NEK9: variants seen among roughly 807,000 people sequenced by gnomAD.
NEK9 encodes serine/threonine-protein kinase Nek9.
A neutral mutation model predicts 123.4 loss-of-function variants in NEK9; 75 were observed. The ratio of observed to expected loss-of-function variants is 0.61; its 90% CI spans 0.50 to 0.74. The LOEUF (loss-of-function observed/expected upper bound fraction) is 0.74. NEK9 is among the 30% of genes least tolerant of loss of function. The pLI is 0.00. For synonymous variants in NEK9, 438 were observed against 458.7 expected (o/e 0.95, Z 0.58); for missense variants, 952 against 1,214.4 (o/e 0.78, Z 3.21).
chr14:75,109,054 T>C (rs1385585103), intron 10 of NEK9, among the ~76,000 whole-genome samples: 1 of 152,134 alleles, frequency 6.6e-6, no homozygotes. Flanking sequence ...AGCATCTGTT[T>C]TATTTTAGCA....
At position 75,104,367 on chromosome 14, in the gene NEK9, C is replaced by T. The variant is rs555589955; in HGVS notation, c.1576-370G>A. Among the ~76,000 whole-genome samples, 12 of 152,096 alleles carry T rather than the reference C, an allele frequency of 7.9e-5. No homozygotes were observed. The East Asian group carries it at 2.1e-3, about 27-fold the overall frequency. On this transcript the variant is annotated intron_variant, in intron 13 of 21. Coordinates refer to ENST00000238616, the MANE Select transcript of NEK9 (RefSeq NM_033116.6). ...TTTTATTAGAGATGAGGTTTTGCCACGTAGGCCAGGCTGGTCTCGAACTCC... is the reference window on the plus strand; with the variant it reads ...TTTTATTAGAGATGAGGTTTTGCCATGTAGGCCAGGCTGGTCTCGAACTCC...
At chr14:75,116,496 TTC>T in intron 6 of NEK9, 1 of 361,836 alleles carries the variant, frequency 2.8e-6, no homozygotes, top group Non-Finnish European at 5.7e-6. Context: ...TTTTACACGT[TTC>T]TAGGAAAGTG....
intron 18 of NEK9, among the ~76,000 whole-genome samples, chr14:75,094,379 C>A (rs928043060): frequency 6.6e-6 from 1 of 152,242 alleles, no homozygotes. Context: ...TAACCTTGAA[C>A]TCCTGGCCTC....
At chr14:75,100,349 G>T (rs1416716773) in intron 16 of NEK9, among the ~76,000 whole-genome samples, 1 of 152,054 alleles carries the variant, frequency 6.6e-6, no homozygotes, top group African/African-American at 2.4e-5. Flanking sequence ...GGGAGGCTGA[G>T]GCAGGAGAAT....
intron 2 of NEK9, 84 bp downstream of exon 2, chr14:75,123,962 T>C (rs1405570551): frequency 1.7e-6 from 2 of 1,183,636 alleles, no homozygotes; most frequent in Non-Finnish European, 2.4e-6. Flanking sequence ...TCACTGTATA[T>C]GTCTCTTCTT....
Position 75,088,642 on chromosome 14 carries a change from CTATG to C in NEK9, c.2443-5_2443-2del, listed in dbSNP as rs2139716487. 1 of 1,612,674 alleles carries C rather than the reference CTATG, an allele frequency of 6.2e-7. No individual in the cohort carries two copies. Among genetic ancestry groups the C allele is most frequent in the East Asian group, 2.2e-5 (1 of 44,856 alleles). On this transcript the variant is annotated splice_acceptor_variant and splice_polypyrimidine_tract_variant and intron_variant, in intron 19 of 21. Coordinates refer to ENST00000238616, the MANE Select transcript of NEK9 (RefSeq NM_033116.6). LOFTEE classifies it high-confidence loss of function. ...GGATAAATTCTGCATTTTCCAGCTC[CTATG>C]TATATGAGAAAGAATCTCATTAGTC...
In NEK9 at chr14:75,091,489, T is replaced by C. The variant is rs754567203; in HGVS notation, c.2234-11A>G. 6.4e-6 allele frequency: 10 copies of C among 1,560,938 alleles called. No homozygotes were observed. The highest frequency in any genetic ancestry group is 2.7e-5 in the African/African-American group (2 of 73,372). On this transcript the variant is annotated splice_polypyrimidine_tract_variant and intron_variant, in intron 18 of 21. Coordinates refer to ENST00000238616, the MANE Select transcript of NEK9 (RefSeq NM_033116.6). ...TAGAGCTCTGAAACACTGACAGATATACAGCACAGAAATAGACAGCTTTGC... is the reference window on the plus strand; with the variant it reads ...TAGAGCTCTGAAACACTGACAGATACACAGCACAGAAATAGACAGCTTTGC...
chr14:75,095,576 A>C lies in NEK9; in HGVS notation c.2174-145T>G, dbSNP rs1283515248. On this transcript the variant is annotated intron_variant, in intron 17 of 21. Transcript: ENST00000238616. ...TTACAGTTTTAGAAATTAGTATCAT[A>C]AGCTAAGCACCACTTGCTATTCTAA... 5 of 544,864 alleles carry C rather than the reference A, an allele frequency of 9.2e-6. No homozygotes were observed. In the African/African-American group the frequency reaches 9.3e-5, roughly 10 times the overall value. 33.8% of individuals were successfully genotyped at this position (544,864 alleles called of 1,614,324 possible).
At chr14:75,100,178 G>A (rs565577663) in intron 16 of NEK9, among the ~76,000 whole-genome samples, 72 of 123,266 alleles carry the variant, frequency 5.8e-4, no homozygotes, top group Admixed American at 8.6e-4. Context: ...CAGGCACAAT[G>A]GCTCACGCCT....
In NEK9 at chr14:75,097,079, C is replaced by T. The variant is rs553464663; in HGVS notation, c.2173+21G>A. On this transcript the variant is annotated intron_variant, in intron 17 of 21. Transcript: ENST00000238616. ...ATCCTCTGTCAAAGCCATCCCAACCCCAGACATATGAAACTCTTACCAACG... is the reference window on the plus strand; with the variant it reads ...ATCCTCTGTCAAAGCCATCCCAACCTCAGACATATGAAACTCTTACCAACG... 10 of 1,584,320 alleles carry T rather than the reference C, an allele frequency of 6.3e-6. 1 individual carries two copies. In the African/African-American group the frequency reaches 8.1e-5, roughly 13 times the overall value.
intron 16 of NEK9, among the ~76,000 whole-genome samples, chr14:75,097,805 C>G (rs1894437823): frequency 6.6e-6 from 1 of 152,116 alleles, no homozygotes; most frequent in South Asian, 2.1e-4. Context: ...CAGAGATCTA[C>G]TGGAGTGACG....
rs780670765 is a variant in NEK9 at position 75,080,235 on chromosome 14, CAGG to C, written c.*4326_*4328del. The C allele has an allele frequency of 1.3e-5, 2 of 151,184 alleles. No homozygotes were observed. The highest frequency in any genetic ancestry group is 2.4e-5 in the African/African-American group (1 of 41,012). 9.4% of individuals were successfully genotyped at this position (151,184 alleles called of 1,614,324 possible). A position where few individuals can be genotyped will look rare whatever the true frequency, so the allele number is the denominator to read the frequency against. On this transcript the variant is annotated 3_prime_UTR_variant, in exon 22 of 22. Coordinates refer to ENST00000238616, the MANE Select transcript of NEK9 (RefSeq NM_033116.6). ...GTCCCAACTACTCGGGAGGCTGAGG[CAGG>C]AGAATTGCTTGAACCCAGGAGGCAG...
intron 18 of NEK9, chr14:75,091,726 T>A: frequency 2.5e-6 from 1 of 403,834 alleles, no homozygotes; most frequent in Non-Finnish European, 4.4e-6. Flanking sequence ...CAACTTTGTT[T>A]ATCTTGTATC....
chr14:75,093,303 A>T (rs567534105), intron 18 of NEK9, among the ~76,000 whole-genome samples: 1 of 152,150 alleles, frequency 6.6e-6, no homozygotes, highest in Non-Finnish European at 1.5e-5. Flanking sequence ...CTAGAGCATT[A>T]CCTATATCAC....
intron 6 of NEK9, among the ~76,000 whole-genome samples, chr14:75,115,901 A>C (rs1039523611): frequency 2.0e-5 from 3 of 152,232 alleles, no homozygotes; most frequent in Admixed American, 6.5e-5. Context: ...ACTTAAAGGG[A>C]TTCATTGTCC....
Position 75,126,698 on chromosome 14 carries a change from G to A in NEK9, c.219+5C>T. The A allele has an allele frequency of 5.0e-6, 7 of 1,410,216 alleles. No homozygotes were observed. The highest frequency in any genetic ancestry group is 6.4e-6 in the Non-Finnish European group (7 of 1,086,726). 87.4% of individuals were successfully genotyped at this position (1,410,216 alleles called of 1,614,324 possible). On this transcript the variant is annotated splice_donor_5th_base_variant and intron_variant, in intron 1 of 21. Coordinates refer to ENST00000238616, the MANE Select transcript of NEK9 (RefSeq NM_033116.6). ...GACAGGGCGGCCGGCGCCGAGGGCC[G>A]CTACCTCGGTGCGGCGGTACAGCGT...
intron 16 of NEK9, among the ~76,000 whole-genome samples, chr14:75,099,932 C>T (rs1442312894): frequency 6.6e-6 from 1 of 151,372 alleles, no homozygotes; most frequent in Non-Finnish European, 1.5e-5. Flanking sequence ...AGTTCGAGAC[C>T]AGCCTGGCTA....
chr14:75,123,957 G>C (rs945155076), intron 2 of NEK9, 89 bp downstream of exon 2: 1 of 1,131,818 alleles, frequency 8.8e-7, no homozygotes, highest in African/African-American at 1.5e-5. Flanking sequence ...TTTTATCACT[G>C]TATATGTCTC....
intron 8 of NEK9, among the ~76,000 whole-genome samples, chr14:75,111,117 C>T (rs1349436532): frequency 6.6e-6 from 1 of 152,210 alleles, no homozygotes; most frequent in Admixed American, 6.5e-5. Context: ...CGCAAACATC[C>T]ACCATCTCTC....
Sources: gnomAD v4.1 joint callset for allele counts (sites outside exome capture counted in the v4.1 genomes callset) on GRCh38, gnomAD v4.1.1 for gene constraint, MANE v1.5 for transcripts, NCBI Gene and HGNC (gene_info 2026-07-23, HGNC 2026-07-21) for gene names.